Variants in KCNE3 observed in about 807,000 individuals in gnomAD.
KCNE3 encodes the protein potassium voltage-gated channel subfamily E regulatory subunit 3.
Under a neutral mutation model 4.3 loss-of-function variants are expected in KCNE3, and 2 were observed. The observed-to-expected ratio is 0.47, with a 90% CI of 0.19 to 1.48. The LOEUF (loss-of-function observed/expected upper bound fraction) is 1.48, where lower values mean the gene tolerates loss of function less well. KCNE3 is among the 40% of genes most tolerant of loss of function. The probability of loss-of-function intolerance (pLI) is 0.25; values close to 1 mark genes in which losing one functional copy is unlikely to be tolerated. For missense variants in KCNE3, 128 were observed against 136.8 expected (o/e 0.94, Z 0.32); for synonymous variants, 47 against 52.0 (o/e 0.90, Z 0.41).
At chr11:74,459,259 A>ATTTTTTTTTTTTTTTTTTTTTTT in intron 2 of KCNE3, among the ~76,000 whole-genome samples, 1 of 117,572 alleles carries the variant, frequency 8.5e-6, no homozygotes, top group Non-Finnish European at 1.7e-5. Context: ...TATAGAAAAC[A>ATTTTTTTTTTTTTTTTTTTTTTT]TTTTTTTTTT....
intron 2 of KCNE3, among the ~76,000 whole-genome samples, 168 bp from the exon 3 acceptor site, chr11:74,457,771 T>C (rs904221227): frequency 1.3e-5 from 2 of 152,302 alleles, no homozygotes; most frequent in African/African-American, 4.8e-5. Flanking sequence ...CCATGTGTCA[T>C]GGGAGGGACC....
At chr11:74,466,112 G>A (rs1388261389) in intron 1 of KCNE3, among the ~76,000 whole-genome samples, 1 of 152,126 alleles carries the variant, frequency 6.6e-6, no homozygotes, top group Non-Finnish European at 1.5e-5. Flanking sequence ...ACATCAGAGG[G>A]GGAATCAGGA....
Position 74,457,213 on chromosome 11 carries a change from C to A in KCNE3, c.*39G>T. ...GTTCTGGAGGCCCCAGACGCAATCCCCAGGTGTCTTGGTCTTCCACCGTCC... is the reference window on the plus strand; with the variant it reads ...GTTCTGGAGGCCCCAGACGCAATCCACAGGTGTCTTGGTCTTCCACCGTCC... On this transcript the variant is annotated 3_prime_UTR_variant, in exon 3 of 3. Transcript: ENST00000310128. The A allele has an allele frequency of 6.3e-7, 1 of 1,594,644 alleles. No homozygotes were observed.
intron 1 of KCNE3, among the ~76,000 whole-genome samples, chr11:74,464,707 A>G (rs1321514022): frequency 2.0e-5 from 3 of 152,160 alleles, no homozygotes; most frequent in African/African-American, 7.2e-5. Context: ...TTCCACTATA[A>G]GTTCCCTTCT....
At position 74,455,244 on chromosome 11, in the gene KCNE3, A is replaced by T. The variant is rs1863783889; in HGVS notation, c.*2008T>A. ...CAGAGATAACTGCTGTCAGAATATT[A>T]TTTCAGAGTTCTGCTATACACAAAT... On this transcript the variant is annotated 3_prime_UTR_variant, in exon 3 of 3. Coordinates refer to ENST00000310128, the MANE Select transcript of KCNE3 (RefSeq NM_005472.5). The T allele has an allele frequency of 6.6e-6, 1 of 152,220 alleles. No individual in the cohort carries two copies. Among genetic ancestry groups the T allele is most frequent in the Non-Finnish European group, 1.5e-5 (1 of 68,040 alleles). 9.4% of individuals were successfully genotyped at this position (152,220 alleles called of 1,614,324 possible).
At chr11:74,461,193 G>A (rs1466019969) in intron 2 of KCNE3, among the ~76,000 whole-genome samples, 2 of 152,118 alleles carry the variant, frequency 1.3e-5, no homozygotes, top group Non-Finnish European at 2.9e-5. Context: ...AATTTTACAA[G>A]ATGAGGAGAT....
In KCNE3 at chr11:74,457,351, A is replaced by G. The variant is rs1863842415; in HGVS notation, c.213T>C (p.Thr71=). ...TGTATCCCAGGATGAGGCTGCCCAC[A>G]GTTACAGCAAATAGAAACATGACAA... ...ILFVMFLFAV[T]VGSLILGYTR... is the part of the protein sequence containing the mutation. Residue 71 remains threonine (T), a synonymous_variant, in exon 3 of 3, where the codon ACT becomes ACC. Transcript: ENST00000310128. 2 of 1,614,220 alleles carry G rather than the reference A, an allele frequency of 1.2e-6. No homozygotes were observed. Among genetic ancestry groups the G allele is most frequent in the Non-Finnish European group, 1.7e-6 (2 of 1,180,032 alleles).
At position 74,456,808 on chromosome 11, in the gene KCNE3, TGGTGGTAA is replaced by T; in HGVS notation, c.*436_*443del. The T allele has an allele frequency of 5.1e-6, 1 of 195,672 alleles. No individual in the cohort carries two copies. Among genetic ancestry groups the T allele is most frequent in the Non-Finnish European group, 1.1e-5 (1 of 94,150 alleles). 12.1% of individuals were successfully genotyped at this position (195,672 alleles called of 1,614,324 possible). On this transcript the variant is annotated 3_prime_UTR_variant, in exon 3 of 3. Transcript: ENST00000310128. ...CTTCACGGGAGCGGGGGCAGGGTGG[TGGTGGTAA>T]ATCATATCTGTGATATGGGATAGTC...
chr11:74,464,138 C>G (rs970503294), intron 1 of KCNE3: 1 of 152,436 alleles, frequency 6.6e-6, no homozygotes, highest in South Asian at 2.1e-4. Flanking sequence ...ACAAACTGCA[C>G]TTGCCTTACA....
At chr11:74,464,283 C>T (rs1864015205) in intron 1 of KCNE3, 1 of 152,198 alleles carries the variant, frequency 6.6e-6, no homozygotes, top group Non-Finnish European at 1.5e-5. Flanking sequence ...TCTTTCCCGT[C>T]ACTCCGTTTC....
Position 74,457,283 on chromosome 11 carries a change from AC to A in KCNE3, c.280del (p.Val94CysfsTer9), listed in dbSNP as rs786205809. 3 of 1,614,090 alleles carry A rather than the reference AC, an allele frequency of 1.9e-6. No homozygotes were observed. The highest frequency in any genetic ancestry group is 1.6e-4 in the Middle Eastern group (1 of 6,062). On this transcript the variant is annotated frameshift_variant, in exon 3 of 3. Coordinates refer to ENST00000310128, the MANE Select transcript of KCNE3 (RefSeq NM_005472.5). LOFTEE classifies it high-confidence loss of function. ...KVDKRSDPYH[V>X]YIKNRVSMI Reference sequence around the variant, plus strand: ...CATAGACACACGGTTCTTGATATACACATGATAGGGGTCACTACGCTTGTCC... The same window carrying A: ...CATAGACACACGGTTCTTGATATACAATGATAGGGGTCACTACGCTTGTCC...
At position 74,457,366 on chromosome 11, in the gene KCNE3, A is replaced by G. The variant is rs2270676; in HGVS notation, c.198T>C (p.Phe66=). Residue 66 remains phenylalanine, a synonymous_variant, in exon 3 of 3, where the codon TTT becomes TTC. Transcript: ENST00000310128. ...NSYMYILFVM[F]LFAVTVGSLI... ...GGCTGCCCACAGTTACAGCAAATAG[A>G]AACATGACAAAGAGAATGTACATGT... The G allele has an allele frequency of 0.12, 194,464 of 1,614,094 alleles. 12,760 individuals are homozygous for G. The highest frequency in any genetic ancestry group is 0.21 in the South Asian group (18,917 of 91,082).
chr11:74,459,259 ATTTTT>A (rs35194568), intron 2 of KCNE3, among the ~76,000 whole-genome samples: 1 of 117,572 alleles, frequency 8.5e-6, no homozygotes, highest in Non-Finnish European at 1.7e-5. Context: ...TATAGAAAAC[ATTTTT>A]TTTTTTTTTT....
In KCNE3 at chr11:74,457,681, T is replaced by C. The variant is rs1839981595; in HGVS notation, c.-40-78A>G. 5 of 935,342 alleles carry C rather than the reference T, an allele frequency of 5.3e-6. No individual in the cohort carries two copies. In the Admixed American group the frequency reaches 7.5e-5, roughly 14 times the overall value. The allele number at this position is 935,342 out of a possible 1,614,324, so 57.9% of individuals were successfully genotyped here. ...TGACCTCCTCCCTTCAGATCCCAGG[T>C]AAAATCTTAGCATCATGGCTGATAT... On this transcript the variant is annotated intron_variant, in intron 2 of 2. Transcript: ENST00000310128.
chr11:74,459,167 A>C (rs1329296950), intron 2 of KCNE3, among the ~76,000 whole-genome samples: 1 of 152,166 alleles, frequency 6.6e-6, no homozygotes, highest in African/African-American at 2.4e-5. Context: ...TGTCTCCTGA[A>C]ATAAAGTCAT....
intron 1 of KCNE3, among the ~76,000 whole-genome samples, chr11:74,465,840 C>T (rs1357343824): frequency 6.6e-6 from 1 of 152,192 alleles, no homozygotes; most frequent in Non-Finnish European, 1.5e-5. Flanking sequence ...AATTATCAGG[C>T]AGGCTGGTCA....
chr11:74,457,699 G>T, intron 2 of KCNE3, 96 bp from the exon 3 acceptor site: 1 of 813,246 alleles, frequency 1.2e-6, no homozygotes, highest in Non-Finnish European at 2.1e-6. Flanking sequence ...TAGCATCATG[G>T]CTGATATGGT....
chr11:74,463,728 A>G (rs72552108), intron 1 of KCNE3, among the ~76,000 whole-genome samples: 240 of 152,326 alleles, frequency 1.6e-3, no homozygotes, highest in Non-Finnish European at 2.9e-3. Flanking sequence ...ACTGAGGCTC[A>G]GAAGGGAGAA....
chr11:74,457,553 G>C lies in KCNE3; in HGVS notation c.11C>G (p.Thr4Ser). 6.2e-7 allele frequency: 1 copy of C among 1,614,138 alleles called. No individual in the cohort carries two copies. Among genetic ancestry groups the C allele is most frequent in the Non-Finnish European group, 8.5e-7 (1 of 1,180,014 alleles). Residue 4 changes from threonine to serine, a missense_variant, in exon 3 of 3, where the codon ACC becomes AGC. Transcript: ENST00000310128. Reference sequence around the variant, plus strand: ...CTCATACCAGGTCTCCGTTCCATTGGTAGTCTCCATAGCAACAGGGATTGA... The same window carrying C: ...CTCATACCAGGTCTCCGTTCCATTGCTAGTCTCCATAGCAACAGGGATTGA... MET[T>S]NGTETWYESL...
Sources: allele counts gnomAD v4.1 joint callset (sites outside exome capture counted in the v4.1 genomes callset), GRCh38; gene constraint gnomAD v4.1.1; transcripts MANE v1.5; gene names NCBI Gene and HGNC (gene_info 2026-07-23, HGNC 2026-07-21).